The following FBXO41 variants were observed in gnomAD, a reference collection of about 807,000 sequenced individuals.
FBXO41 encodes the protein F-box only protein 41.
FBXO41 carries 33 observed loss-of-function variants against 81.6 expected under a neutral mutation model. The ratio of observed to expected loss-of-function variants is 0.40; its 90% CI spans 0.31 to 0.54. The LOEUF (loss-of-function observed/expected upper bound fraction) is 0.54, where lower values mean the gene tolerates loss of function less well. FBXO41 is among the 20% of genes least tolerant of loss of function. FBXO41 has a pLI of 0.39. For synonymous variants in FBXO41, 576 were observed against 552.7 expected (o/e 1.04, Z -0.59); for missense variants, 1,107 against 1,236.0 (o/e 0.90, Z 1.56).
At chr2:73,283,876 G>C (rs1366672627) in intron 1 of FBXO41, among the ~76,000 whole-genome samples, 1 of 152,120 alleles carries the variant, frequency 6.6e-6, no homozygotes, top group African/African-American at 2.4e-5. Context: ...CAGAGTCCCA[G>C]TGGGGTTCTG....
chr2:73,271,033 T>G (rs1003714875), intron 1 of FBXO41: 3 of 443,610 alleles, frequency 6.8e-6, no homozygotes, highest in African/African-American at 4.0e-5. Context: ...CTGTTCTTGC[T>G]GCCTTCCTAA....
Position 73,264,439 on chromosome 2 carries a change from C to T in FBXO41, c.1645G>A (p.Glu549Lys). Residue 549 changes from glutamate (E) to lysine (K), a missense_variant, in exon 6 of 13, where the codon GAG (glutamate) becomes AAG (lysine). By Grantham distance (56) the Glu-to-Lys change is moderately conservative. Transcript: ENST00000520530. ...PSRSNEVISP[E>K]ILKMRAALFC... ...AGGGCAGCTCGCATCTTCAGGATCT[C>T]TGGGCTGATGACCTCATTGGAGCGT... 1 of 1,613,984 alleles carries T rather than the reference C, an allele frequency of 6.2e-7. No individual in the cohort carries two copies. The highest frequency in any genetic ancestry group is 8.5e-7 in the Non-Finnish European group (1 of 1,179,904).
intron 2 of FBXO41, among the ~76,000 whole-genome samples, chr2:73,267,524 T>C (rs1312924717): frequency 2.0e-5 from 3 of 152,240 alleles, no homozygotes; most frequent in Non-Finnish European, 4.4e-5. Flanking sequence ...GAACACCCTC[T>C]AGGTGCCAGG....
At position 73,259,438 on chromosome 2, in the gene FBXO41, G is replaced by A. The variant is rs372584809; in HGVS notation, c.2450-142C>T. ...GAGGAGAGCAGACTCATGCCACCTGGGGGCTGGCGACCGGATGCGGGGAGA... is the reference window on the plus strand; with the variant it reads ...GAGGAGAGCAGACTCATGCCACCTGAGGGCTGGCGACCGGATGCGGGGAGA... On this transcript the variant is annotated intron_variant, in intron 11 of 12. Transcript: ENST00000520530. This position sits in a 1 kb window ranked among gnomAD's most constrained non-coding sequence, Gnocchi z 4.2. 5.9e-4 allele frequency: 415 copies of A among 707,754 alleles called. 4 individuals are homozygous for A. In the African/African-American group the frequency reaches 6.5e-3, roughly 11 times the overall value. The allele number at this position is 707,754 out of a possible 1,614,324, so 43.8% of individuals were successfully genotyped here.
At chr2:73,273,279 T>G (rs756502962) in intron 1 of FBXO41, 5 of 152,158 alleles carry the variant, frequency 3.3e-5, no homozygotes, top group Non-Finnish European at 5.9e-5. Context: ...TTAAGTTTGG[T>G]GAGGGATAGT....
chr2:73,267,386 T>G (rs1434724385), intron 2 of FBXO41, among the ~76,000 whole-genome samples: 1 of 152,186 alleles, frequency 6.6e-6, no homozygotes, highest in Non-Finnish European at 1.5e-5. Flanking sequence ...TACACTCAAA[T>G]GTGGAAGCAT....
rs1348534952 is a variant in FBXO41 at position 73,254,734 on chromosome 2, C to G, written c.*4248G>C. 1 of 152,644 alleles carries G rather than the reference C, an allele frequency of 6.6e-6. No homozygotes were observed. The highest frequency in any genetic ancestry group is 1.5e-5 in the Non-Finnish European group (1 of 68,052). The allele number at this position is 152,644 out of a possible 1,614,324, so 9.5% of individuals were successfully genotyped here. A position where few individuals can be genotyped will look rare whatever the true frequency, so the allele number is the denominator to read the frequency against. On this transcript the variant is annotated 3_prime_UTR_variant, in exon 13 of 13. Transcript: ENST00000520530. ...TTTATTGGATACAGAGCCATAAATT[C>G]TCTGATGCCCATGTGAGTCCTTTTA... is the stretch of plus-strand genomic sequence containing the variant.
At chr2:73,270,683 C>T (rs932662333) in intron 1 of FBXO41, 3 of 428,714 alleles carry the variant, frequency 7.0e-6, no homozygotes, top group Non-Finnish European at 1.4e-5. Context: ...CTCCCCACAC[C>T]CCTTTTGGCA....
At position 73,268,877 on chromosome 2, in the gene FBXO41, G is replaced by C. The variant is rs1207789662; in HGVS notation, c.754C>G (p.Arg252Gly). The change falls in exon 2 of 13, where the codon CGG (arginine) becomes GGG (glycine). Residue 252 changes from arginine to glycine, a missense_variant. Arg to Gly is a moderately radical substitution (Grantham distance 125). Transcript: ENST00000520530. ...CGCCCGAGCCTCGCACTCTCCTGCCGCGCAGTCTCCAGTTCGGCCGCCTTG... is the reference window on the plus strand; with the variant it reads ...CGCCCGAGCCTCGCACTCTCCTGCCCCGCAGTCTCCAGTTCGGCCGCCTTG... Reference protein sequence around the residue: ...ERKAAELETARQESARLGREK... With the variant: ...ERKAAELETAGQESARLGREK... 1 of 1,561,054 alleles carries C rather than the reference G, an allele frequency of 6.4e-7. No individual in the cohort carries two copies. The highest frequency in any genetic ancestry group is 2.4e-5 in the East Asian group (1 of 41,536).
chr2:73,275,428 C>G (rs1047181196), intron 1 of FBXO41, among the ~76,000 whole-genome samples: 1 of 151,966 alleles, frequency 6.6e-6, no homozygotes, highest in Non-Finnish European at 1.5e-5. Flanking sequence ...GGTGATCTGC[C>G]CACCTTGGCC....
intron 1 of FBXO41, among the ~76,000 whole-genome samples, chr2:73,275,592 G>T (rs1405120311): frequency 6.6e-6 from 1 of 152,140 alleles, no homozygotes; most frequent in African/African-American, 2.4e-5. Flanking sequence ...CAAAAATAGA[G>T]AGAGTATTAT....
At chr2:73,280,085 T>C (rs1688803130) in intron 1 of FBXO41, among the ~76,000 whole-genome samples, 1 of 151,910 alleles carries the variant, frequency 6.6e-6, no homozygotes, top group African/African-American at 2.4e-5. Context: ...ACCCATGTTA[T>C]ATACTCAGCA....
rs1558582583 is a variant in FBXO41, at chr2:73,264,249, GGGCACAGAA to G, written c.1806+20_1806+28del. On this transcript the variant is annotated intron_variant, in intron 6 of 12. Transcript: ENST00000520530. ...CAGGGGGAAAGGTGGGTTCACAGCA[GGGCACAGAA>G]GGCAGGCAGGGGCAGGTACCTTGGA... The G allele has an allele frequency of 6.2e-7, 1 of 1,612,742 alleles. No individual in the cohort carries two copies. The highest frequency in any genetic ancestry group is 1.1e-5 in the South Asian group (1 of 91,034).
intron 3 of FBXO41, 31 bp from the exon 4 acceptor site, chr2:73,265,997 G>C: frequency 6.5e-7 from 1 of 1,548,730 alleles, no homozygotes; most frequent in South Asian, 1.2e-5. Flanking sequence ...AGGTAAAGGA[G>C]AGGGGCGGAG....
chr2:73,271,737 TCTC>T (rs1688507756), intron 1 of FBXO41, among the ~76,000 whole-genome samples: 1 of 151,590 alleles, frequency 6.6e-6, no homozygotes, highest in African/African-American at 2.4e-5. Flanking sequence ...TTCAAGCGAT[TCTC>T]CTGCCTCAGC....
Position 73,258,462 on chromosome 2 carries a change from G to T in FBXO41, c.*520C>A, listed in dbSNP as rs957981236. On this transcript the variant is annotated 3_prime_UTR_variant, in exon 13 of 13. Transcript: ENST00000520530. ...TGGCTGTGGTACCCCCAGGAAATGTGGATCCACAGCCTGGGCAGGCTGTCT... is the reference window on the plus strand; with the variant it reads ...TGGCTGTGGTACCCCCAGGAAATGTTGATCCACAGCCTGGGCAGGCTGTCT... 1 of 152,796 alleles carries T rather than the reference G, an allele frequency of 6.5e-6. No homozygotes were observed. Among genetic ancestry groups the T allele is most frequent in the African/African-American group, 2.4e-5 (1 of 41,460 alleles). 9.5% of individuals were successfully genotyped at this position (152,796 alleles called of 1,614,324 possible).
At position 73,269,618 on chromosome 2, in the gene FBXO41, C is replaced by A; in HGVS notation, c.13G>T (p.Asp5Tyr). 8.0e-7 allele frequency: 1 copy of A among 1,257,820 alleles called. No individual in the cohort carries two copies. The highest frequency in any genetic ancestry group is 1.0e-6 in the Non-Finnish European group (1 of 995,646). 77.9% of individuals were successfully genotyped at this position (1,257,820 alleles called of 1,614,324 possible). The change falls in exon 2 of 13, where the codon GAC becomes TAC. Residue 5 changes from aspartate to tyrosine, a missense_variant. Transcript: ENST00000520530. The surrounding 1 kb of genome is among the most constrained non-coding windows in gnomAD (Gnocchi z 7.0). ...CAGCGGGGGCAGCGGTACGGCAGGTCCAGCGAGGCCATGGCCCCGCCGCCC... is the reference window on the plus strand; with the variant it reads ...CAGCGGGGGCAGCGGTACGGCAGGTACAGCGAGGCCATGGCCCCGCCGCCC... MASL[D>Y]LPYRCPRCGE...
rs1403464251 is a variant in FBXO41 at position 73,260,566 on chromosome 2, G to C, written c.2291-19C>G. 6.4e-7 allele frequency: 1 copy of C among 1,574,174 alleles called. No homozygotes were observed. Among genetic ancestry groups the C allele is most frequent in the African/African-American group, 1.4e-5 (1 of 73,822 alleles). On this transcript the variant is annotated intron_variant, in intron 10 of 12. Coordinates refer to ENST00000520530, the MANE Select transcript of FBXO41 (RefSeq NM_001371389.2). This position sits in a 1 kb window ranked among gnomAD's most constrained non-coding sequence, Gnocchi z 5.0. Reference sequence around the variant, plus strand: ...TTTCTCGCTAGGAAGAGGAAGAAGGGGGATCCTGCTGACACACTCCCCAGG... The same window carrying C: ...TTTCTCGCTAGGAAGAGGAAGAAGGCGGATCCTGCTGACACACTCCCCAGG...
In FBXO41 at chr2:73,263,683, C is replaced by G; in HGVS notation, c.2070G>C (p.Thr690=). 1 of 1,613,246 alleles carries G rather than the reference C, an allele frequency of 6.2e-7. No individual in the cohort carries two copies. Among genetic ancestry groups the G allele is most frequent in the Non-Finnish European group, 8.5e-7 (1 of 1,179,848 alleles). ...SCYCRALQAV[T]YRSATDPVGH... is the part of the protein sequence containing the mutation. ...CTTCTAGTCGGTTGACCCACCTGTA[C>G]GTGACAGCCTGCAGGGCACGGCAGT... The change falls in exon 8 of 13, where the codon ACG becomes ACC. Residue 690 remains threonine, a synonymous_variant. Transcript: ENST00000520530.
Sources: gnomAD v4.1 joint callset for allele counts (sites outside exome capture counted in the v4.1 genomes callset) on GRCh38, gnomAD v4.1.1 for gene constraint, Gnocchi (gnomAD v3.1) non-coding constraint, MANE v1.5 for transcripts, NCBI Gene and HGNC (gene_info 2026-07-23, HGNC 2026-07-21) for gene names.